The following SEPTIN7 variants were observed in gnomAD, a reference collection of about 807,000 sequenced individuals.
SEPTIN7 encodes the protein septin-7.
A neutral mutation model predicts 63.3 loss-of-function variants in SEPTIN7; 10 were observed. The ratio of observed to expected loss-of-function variants is 0.16; its 90% CI spans 0.10 to 0.27. The LOEUF (loss-of-function observed/expected upper bound fraction) is 0.27. Among genes scored for constraint, SEPTIN7 ranks in the 10% least tolerant of loss-of-function variants. The pLI is 1.00. For missense variants in SEPTIN7, 310 were observed against 521.0 expected, an observed-to-expected ratio of 0.59 and a Z score of 3.94; for synonymous variants, 131 against 165.3, an observed-to-expected ratio of 0.79 and a Z score of 1.59.
chr7:35,801,793 C>A (rs1454190309), intron 1 of SEPTIN7, among the ~76,000 whole-genome samples: 1 of 151,746 alleles, frequency 6.6e-6, no homozygotes, highest in African/African-American at 2.4e-5. Flanking sequence ...CGGGCGGCGG[C>A]GGGGAGGGAG....
chr7:35,894,509 ATTAAAC>A (rs1354783295), intron 11 of SEPTIN7, among the ~76,000 whole-genome samples: 4 of 152,326 alleles, frequency 2.6e-5, no homozygotes, highest in Non-Finnish European at 4.4e-5. Flanking sequence ...GTTTCAAAAA[ATTAAAC>A]TTAGTTATAT....
At chr7:35,860,913 A>G (rs1346179186) in intron 3 of SEPTIN7, among the ~76,000 whole-genome samples, 1 of 152,042 alleles carries the variant, frequency 6.6e-6, no homozygotes, top group African/African-American at 2.4e-5. Context: ...CCTTCATGTA[A>G]TCTCTGTTCA....
chr7:35,801,449 G>A (rs1057266143), intron 1 of SEPTIN7, among the ~76,000 whole-genome samples, 179 bp downstream of exon 1: 10 of 151,808 alleles, frequency 6.6e-5, no homozygotes, highest in Non-Finnish European at 1.0e-4. Flanking sequence ...CGGGGGGAGG[G>A]GAGGCGGCGG....
chr7:35,889,214 T>A (rs1787483009), intron 10 of SEPTIN7, among the ~76,000 whole-genome samples: 1 of 152,226 alleles, frequency 6.6e-6, no homozygotes, highest in Non-Finnish European at 1.5e-5. Context: ...GCATGAACTG[T>A]TCAGTGTCAG....
chr7:35,868,411 A>G (rs1339390252), intron 4 of SEPTIN7, among the ~76,000 whole-genome samples: 1 of 151,492 alleles, frequency 6.6e-6, no homozygotes, highest in Non-Finnish European at 1.5e-5. Flanking sequence ...TGGGGCTACA[A>G]TGATGATAGA....
rs1217959410 is a variant in SEPTIN7 at position 35,801,065 on chromosome 7, G to T, written c.-145G>T. 5.6e-6 allele frequency: 3 copies of T among 535,640 alleles called. No homozygotes were observed. The highest frequency in any genetic ancestry group is 3.1e-5 in the South Asian group (1 of 32,542). The allele number at this position is 535,640 out of a possible 1,614,324, so 33.2% of individuals were successfully genotyped here. A position where few individuals can be genotyped will look rare whatever the true frequency, so the allele number is the denominator to read the frequency against. On this transcript the variant is annotated 5_prime_UTR_variant, in exon 1 of 14. Coordinates refer to ENST00000350320, the MANE Select transcript of SEPTIN7 (RefSeq NM_001788.6). Reference sequence around the variant, plus strand: ...ACGGAGGAGGGAGCGGGAGTCGAGCGAGAGCCTGTGGAGGAGTCCGCCTGC... The same window carrying T: ...ACGGAGGAGGGAGCGGGAGTCGAGCTAGAGCCTGTGGAGGAGTCCGCCTGC...
intron 2 of SEPTIN7, chr7:35,832,585 T>G (rs1583526716): frequency 2.6e-6 from 1 of 388,166 alleles, no homozygotes; most frequent in South Asian, 2.9e-5. Flanking sequence ...CCTTGGATTT[T>G]TATAATTAAC....
intron 3 of SEPTIN7, among the ~76,000 whole-genome samples, chr7:35,842,742 C>A (rs1325051957): frequency 6.6e-6 from 1 of 152,090 alleles, no homozygotes; most frequent in Non-Finnish European, 1.5e-5. Context: ...TGAAACAATT[C>A]TAAACAAAAG....
chr7:35,848,273 T>G (rs1400720210), intron 3 of SEPTIN7, among the ~76,000 whole-genome samples: 1 of 152,086 alleles, frequency 6.6e-6, no homozygotes, highest in Non-Finnish European at 1.5e-5. Context: ...CAAGAATACT[T>G]GATTTTTTTT....
intron 5 of SEPTIN7, 142 bp downstream of exon 5, chr7:35,872,908 A>G (rs1320202670): frequency 1.7e-6 from 1 of 600,920 alleles, no homozygotes; most frequent in African/African-American, 1.8e-5. Flanking sequence ...TTGTATACCA[A>G]CTTTGCCACT....
intron 3 of SEPTIN7, among the ~76,000 whole-genome samples, chr7:35,837,916 G>T (rs1014569648): frequency 2.6e-5 from 4 of 151,896 alleles, no homozygotes; most frequent in Non-Finnish European, 5.9e-5. Flanking sequence ...TAGAGATAGG[G>T]TTTCACCATG....
intron 11 of SEPTIN7, among the ~76,000 whole-genome samples, chr7:35,891,658 A>C (rs1787652793): frequency 1.3e-5 from 2 of 152,192 alleles, no homozygotes; most frequent in Non-Finnish European, 1.5e-5. Flanking sequence ...CAGTGAGTGA[A>C]CGTGAAGACC....
intron 3 of SEPTIN7, among the ~76,000 whole-genome samples, chr7:35,844,179 T>C (rs1032976661): frequency 1.3e-5 from 2 of 152,182 alleles, no homozygotes; most frequent in Admixed American, 1.3e-4. Flanking sequence ...CAAAGGAATT[T>C]CCAGGGAAAT....
chr7:35,901,416 A>G (rs1788313667), intron 12 of SEPTIN7: 1 of 152,218 alleles, frequency 6.6e-6, no homozygotes, highest in Non-Finnish European at 1.5e-5. Flanking sequence ...TATTTTACTG[A>G]AACAAATAAA....
In SEPTIN7 at chr7:35,873,921, G is replaced by A. The variant is rs1227174241; in HGVS notation, c.512+146G>A. 9 of 710,572 alleles carry A rather than the reference G, an allele frequency of 1.3e-5. No individual in the cohort carries two copies. The East Asian group carries it at 1.7e-4, about 14-fold the overall frequency. The allele number at this position is 710,572 out of a possible 1,614,324, so 44.0% of individuals were successfully genotyped here. A position where few individuals can be genotyped will look rare whatever the true frequency, so the allele number is the denominator to read the frequency against. ...CTAAATTTCATGTAGAAATGTCTTA[G>A]TTGAAAAGCCATTTTAAGTCCTATA... is the stretch of plus-strand genomic sequence containing the variant. On this transcript the variant is annotated intron_variant, in intron 6 of 13. Transcript: ENST00000350320.
At chr7:35,831,741 G>A (rs1783843368) in intron 2 of SEPTIN7, 2 of 237,202 alleles carry the variant, frequency 8.4e-6, no homozygotes, top group East Asian at 1.4e-4. Flanking sequence ...TTAAGAATTA[G>A]TTTTATGAAA....
At chr7:35,880,148 C>T (rs1786742879) in intron 7 of SEPTIN7, among the ~76,000 whole-genome samples, 1 of 149,138 alleles carries the variant, frequency 6.7e-6, no homozygotes, top group East Asian at 2.0e-4. Context: ...CACCCCCACA[C>T]AGACAATTTC....
At chr7:35,826,565 G>T (rs370879266) in intron 1 of SEPTIN7, among the ~76,000 whole-genome samples, 2 of 151,708 alleles carry the variant, frequency 1.3e-5, no homozygotes, top group African/African-American at 4.8e-5. Flanking sequence ...TTTGAGGTGC[G>T]CATTATAATC....
At chr7:35,802,939 G>A (rs1405467004) in intron 1 of SEPTIN7, among the ~76,000 whole-genome samples, 2 of 152,162 alleles carry the variant, frequency 1.3e-5, no homozygotes, top group East Asian at 3.8e-4. Context: ...AGCTACATAG[G>A]TGATTTGCAT....
Sources: allele counts gnomAD v4.1 joint callset (sites outside exome capture counted in the v4.1 genomes callset), GRCh38; gene constraint gnomAD v4.1.1; transcripts MANE v1.5; gene names NCBI Gene and HGNC (gene_info 2026-07-23, HGNC 2026-07-21).